TENM1: variants seen among roughly 807,000 people sequenced by gnomAD.
TENM1 encodes teneurin-1.
A neutral mutation model predicts 174.8 loss-of-function variants in TENM1; 35 were observed. The observed-to-expected ratio is 0.20, with a 90% CI of 0.15 to 0.27. The LOEUF is 0.27. TENM1 is among the 10% of genes least tolerant of loss of function. The pLI, the probability that TENM1 is intolerant of heterozygous loss-of-function variation, is 1.00. For missense variants in TENM1, 1,633 were observed against 2,130.1 expected (o/e 0.77, Z 4.59); for synonymous variants, 781 against 798.7 (o/e 0.98, Z 0.37).
chrX:125,154,598 G>A, the TENM1 span, among the ~76,000 whole-genome samples: 1 of 111,761 alleles, frequency 8.9e-6, no homozygotes, highest in Middle Eastern at 4.6e-3. Flanking sequence ...AATGGACGTA[G>A]TGTGTCCGGA....
the TENM1 span, among the ~76,000 whole-genome samples, chrX:125,062,374 G>C: frequency 9.0e-6 from 1 of 111,446 alleles, no homozygotes; most frequent in Non-Finnish European, 1.9e-5. Context: ...TTTAAATGGT[G>C]ATTCTAAAAG....
chrX:124,520,910 C>G, intron 17 of TENM1, 126 bp from the exon 21 acceptor site: 1 of 601,703 alleles, frequency 1.7e-6, no homozygotes, highest in Non-Finnish European at 2.4e-6. Context: ...GGTCTAAGGA[C>G]GTCAAGGCAT....
chrX:124,581,467 C>T (rs755867307), intron 11 of TENM1, among the ~76,000 whole-genome samples: 1 of 111,777 alleles, frequency 8.9e-6, no homozygotes, highest in South Asian at 3.7e-4. Context: ...GATCTCAAGT[C>T]TCTGTTACTG....
At chrX:125,137,405 C>T in the TENM1 span, among the ~76,000 whole-genome samples, 1 of 107,052 alleles carries the variant, frequency 9.3e-6, no homozygotes, top group African/African-American at 3.4e-5. Flanking sequence ...ACTCTTTACG[C>T]AAGCAACAGC....
chrX:124,657,562 A>C (rs1194752905), intron 6 of TENM1, among the ~76,000 whole-genome samples: 1 of 112,147 alleles, frequency 8.9e-6, no homozygotes, highest in Non-Finnish European at 1.9e-5. Context: ...TAATTACATG[A>C]TTACTAATGA....
At chrX:124,985,428 G>A in the TENM1 span, among the ~76,000 whole-genome samples, 1 of 112,103 alleles carries the variant, frequency 8.9e-6, no homozygotes, top group Non-Finnish European at 1.9e-5. Flanking sequence ...TCACCTTAAA[G>A]CACTTATTCC....
chrX:124,673,282 C>T (rs968772305), intron 5 of TENM1, among the ~76,000 whole-genome samples: 5 of 111,640 alleles, frequency 4.5e-5, no homozygotes, highest in East Asian at 5.6e-4. Context: ...TGGAAGTTAA[C>T]GCCAGAAAGG....
At chrX:125,061,118 T>C in the TENM1 span, among the ~76,000 whole-genome samples, 1 of 111,224 alleles carries the variant, frequency 9.0e-6, no homozygotes, top group Non-Finnish European at 1.9e-5. Context: ...AAGATGTTAA[T>C]GTGTTATATC....
At chrX:124,932,100 C>A (rs766505995) in intron 1 of TENM1, among the ~76,000 whole-genome samples, 2 of 111,608 alleles carry the variant, frequency 1.8e-5, no homozygotes, top group African/African-American at 6.5e-5. Flanking sequence ...TAAATCAGAC[C>A]AAAAGGGCAA....
At chrX:124,943,001 T>C (rs1316877687) in intron 1 of TENM1, among the ~76,000 whole-genome samples, 2 of 111,612 alleles carry the variant, frequency 1.8e-5, no homozygotes, top group Non-Finnish European at 3.8e-5. Context: ...AGCAAATCTC[T>C]CTTTTCATTT....
At chrX:124,407,505 TAG>T (rs2060476574) in intron 25 of TENM1, among the ~76,000 whole-genome samples, 1 of 112,558 alleles carries the variant, frequency 8.9e-6, no homozygotes, top group Admixed American at 9.4e-5. Flanking sequence ...GACACAATGG[TAG>T]AGACTGGCTG....
chrX:125,024,385 C>CACCA, the TENM1 span, among the ~76,000 whole-genome samples: 1 of 105,594 alleles, frequency 9.5e-6, no homozygotes, highest in African/African-American at 3.5e-5. Context: ...CACACACACA[C>CACCA]CACACACACA....
At chrX:124,773,374 G>A (rs775709817) in intron 3 of TENM1, among the ~76,000 whole-genome samples, 12 of 108,802 alleles carry the variant, frequency 1.1e-4, no homozygotes, top group Admixed American at 4.9e-4. Context: ...TTAAGAATTC[G>A]GCTTCTGGCA....
At chrX:125,156,947 A>G in the TENM1 span, among the ~76,000 whole-genome samples, 2 of 112,659 alleles carry the variant, frequency 1.8e-5, no homozygotes, top group African/African-American at 6.5e-5. Context: ...TATTTATTGA[A>G]GTATTATGTG....
chrX:125,008,590 G>T, the TENM1 span, among the ~76,000 whole-genome samples: 3 of 112,246 alleles, frequency 2.7e-5, no homozygotes, highest in Non-Finnish European at 5.6e-5. Context: ...ATTCTTCTCA[G>T]TGCCACATGG....
At chrX:125,001,955 ACACACAC>A in the TENM1 span, among the ~76,000 whole-genome samples, 78 of 107,040 alleles carry the variant, frequency 7.3e-4, 1 homozygote, top group African/African-American at 2.7e-3. Context: ...ACACACACAC[ACACACAC>A]ACACACACAC....
chrX:124,539,945 TTAA>T (rs2048284118), intron 15 of TENM1, among the ~76,000 whole-genome samples: 1 of 111,645 alleles, frequency 9.0e-6, no homozygotes. Context: ...CTATAGTTGT[TTAA>T]TGACTTTGTC....
chrX:124,885,436 G>A (rs754908276), intron 3 of TENM1, among the ~76,000 whole-genome samples: 1 of 110,175 alleles, frequency 9.1e-6, no homozygotes, highest in East Asian at 2.8e-4. Context: ...GTGAAATACT[G>A]GAAATGTTAA....
intron 3 of TENM1, among the ~76,000 whole-genome samples, chrX:124,741,477 G>T (rs536673215): frequency 9.0e-6 from 1 of 110,896 alleles, no homozygotes; most frequent in Non-Finnish European, 1.9e-5. Context: ...CTAACCAAAG[G>T]GTTATGGAAA....
Sources: allele counts gnomAD v4.1 joint callset (sites outside exome capture counted in the v4.1 genomes callset), GRCh38; gene constraint gnomAD v4.1.1; transcripts MANE v1.5; gene names NCBI Gene and HGNC (gene_info 2026-07-23, HGNC 2026-07-21).